The following OS9 variants were observed in gnomAD, a reference collection of about 807,000 sequenced individuals.
OS9 encodes the protein OS9 endoplasmic reticulum lectin, also known as protein OS-9.
OS9 carries 58 observed loss-of-function variants against 84.7 expected under a neutral mutation model. That is an observed-to-expected ratio of 0.68 (90% CI 0.55 to 0.85). The LOEUF is 0.85. Among genes scored for constraint, OS9 ranks in the 40% least tolerant of loss-of-function variants. The pLI is 0.00. For synonymous variants in OS9, 278 were observed against 320.8 expected (o/e 0.87, Z 1.43); for missense variants, 760 against 850.9 (o/e 0.89, Z 1.33).
In OS9 at chr12:57,720,522, A is replaced by G; in HGVS notation, c.1878+4A>G. The G allele has an allele frequency of 1.3e-6, 2 of 1,590,204 alleles. 1 individual carries two copies. The highest frequency in any genetic ancestry group is 2.2e-5 in the South Asian group (2 of 90,590). On this transcript the variant is annotated splice_donor_region_variant and intron_variant, in intron 14 of 14. Transcript: ENST00000315970. ...GGAGATCTTCTTCAATATCTTGGTA[A>G]GAGGCTTCTACCCCCGAGTCCTGGC... is the stretch of plus-strand genomic sequence containing the variant.
At chr12:57,697,862 A>AACACACACACACACACACACAC (rs71084786) in intron 5 of OS9, among the ~76,000 whole-genome samples, 3 of 116,356 alleles carry the variant, frequency 2.6e-5, no homozygotes, top group Admixed American at 8.8e-5. Flanking sequence ...AACATAAGCA[A>AACACACACACACACACACACAC]ACACACACAC....
In OS9 at chr12:57,708,603, G is replaced by A. The variant is rs373728159; in HGVS notation, c.580-7157G>A. ...TTGTCATACCATTGCACTCCAGCCT[G>A]AGCAAAAGAGTGACACTGTCTCAAA... is the stretch of plus-strand genomic sequence containing the variant. On this transcript the variant is annotated intron_variant, in intron 5 of 14. Transcript: ENST00000315970. 4.3e-4 allele frequency among the ~76,000 whole-genome samples: 64 copies of A among 150,424 alleles called. 1 individual carries two copies. The South Asian group carries it at 4.4e-3, about 10-fold the overall frequency.
At chr12:57,696,519 G>A (rs1953849733) in intron 5 of OS9, 146 bp downstream of exon 5, 3 of 573,924 alleles carry the variant, frequency 5.2e-6, no homozygotes, top group Admixed American at 3.2e-5. Context: ...TTTCCAGCCG[G>A]GCGCAGTGGC....
intron 5 of OS9, among the ~76,000 whole-genome samples, chr12:57,712,225 G>T (rs1383816648): frequency 6.6e-6 from 1 of 151,976 alleles, no homozygotes; most frequent in Non-Finnish European, 1.5e-5. Flanking sequence ...TCAAGATTTT[G>T]TTTTTAAAAA....
Position 57,696,306 on chromosome 12 carries a change from A to G in OS9, c.512A>G (p.His171Arg). 6.2e-7 allele frequency: 1 copy of G among 1,613,608 alleles called. No homozygotes were observed. The highest frequency in any genetic ancestry group is 8.5e-7 in the Non-Finnish European group (1 of 1,179,788). The change falls in exon 5 of 15, where the codon CAC (histidine) becomes CGC (arginine). Residue 171 changes from histidine to arginine, a missense_variant. Coordinates refer to ENST00000315970, the MANE Select transcript of OS9 (RefSeq NM_006812.4). ...ASKQHRLKRY[H>R]SQTYGNGSKC... is the part of the protein sequence containing the mutation. ...AAGCAGCATCGTCTTAAACGCTACC[A>G]CAGCCAGACCTATGGCAATGGGTCC...
chr12:57,697,923 A>G (rs1953905933), intron 5 of OS9, among the ~76,000 whole-genome samples: 2 of 63,684 alleles, frequency 3.1e-5, no homozygotes, highest in African/African-American at 5.4e-5. Context: ...ACACACACAC[A>G]TACACACACA....
chr12:57,720,792 A>T lies in OS9; in HGVS notation c.1887A>T (p.Gly629=). The T allele has an allele frequency of 6.2e-7, 1 of 1,609,698 alleles. No homozygotes were observed. The highest frequency in any genetic ancestry group is 8.5e-7 in the Non-Finnish European group (1 of 1,177,710). ...CTACCCTCTCCCACCAGGTGCCGGG[A>T]GCTGAAGAGGCCCAGAAGGAACGCC... ...KEIFFNILVP[G]AEEAQKERQR... The change falls in exon 15 of 15, where the codon GGA becomes GGT. Residue 629 remains glycine, a synonymous_variant. Transcript: ENST00000315970.
intron 5 of OS9, among the ~76,000 whole-genome samples, chr12:57,701,015 A>T (rs1268102208): frequency 6.6e-6 from 1 of 152,142 alleles, no homozygotes. Flanking sequence ...TCTCTGGTTT[A>T]AAAAAAGGAA....
chr12:57,698,138 C>A (rs1248034996), intron 5 of OS9, among the ~76,000 whole-genome samples: 1 of 152,186 alleles, frequency 6.6e-6, no homozygotes. Flanking sequence ...GCTCCTGGAA[C>A]AGTGCTTCAC....
At chr12:57,695,558 C>T (rs1278388217) in intron 2 of OS9, 2 of 699,742 alleles carry the variant, frequency 2.9e-6, no homozygotes, top group African/African-American at 1.7e-5. Context: ...AATGGAAAGA[C>T]CACAAGTGGA....
chr12:57,719,977 T>G, intron 12 of OS9, 122 bp from the exon 13 acceptor site: 1 of 893,362 alleles, frequency 1.1e-6, no homozygotes, highest in South Asian at 1.6e-5. Flanking sequence ...CTGGCTCATA[T>G]ACATGTTGAG....
intron 5 of OS9, among the ~76,000 whole-genome samples, chr12:57,707,025 C>A (rs562011966): frequency 6.6e-6 from 1 of 151,922 alleles, no homozygotes. Context: ...ATTTCATAGG[C>A]CATTATTCAT....
At position 57,720,964 on chromosome 12, in the gene OS9, G is replaced by GCCTCCTCC. The variant is rs1264224893; in HGVS notation, c.*58_*65dup. ...ATCCAGACTCTTCCTGGACTGGCTT[G>GCCTCCTCC]CCTCCTCCCCACCTCCCCACCCTGG... On this transcript the variant is annotated 3_prime_UTR_variant, in exon 15 of 15. Coordinates refer to ENST00000315970, the MANE Select transcript of OS9 (RefSeq NM_006812.4). 12 of 1,603,014 alleles carry GCCTCCTCC rather than the reference G, an allele frequency of 7.5e-6. No homozygotes were observed. Among genetic ancestry groups the GCCTCCTCC allele is most frequent in the Non-Finnish European group, 1.0e-5 (12 of 1,172,672 alleles).
In OS9 at chr12:57,695,854, C is replaced by T. The variant is rs748151242; in HGVS notation, c.403+11C>T. 4 of 1,603,002 alleles carry T rather than the reference C, an allele frequency of 2.5e-6. No individual in the cohort carries two copies. The highest frequency in any genetic ancestry group is 3.4e-6 in the Non-Finnish European group (4 of 1,169,818). On this transcript the variant is annotated intron_variant, in intron 3 of 14. Transcript: ENST00000315970. ...AATACCACATGGAAGGTAACTCACT[C>T]CTATATTTTCCTTAAGCCCTTAGTG...
intron 9 of OS9, among the ~76,000 whole-genome samples, 160 bp from the exon 10 acceptor site, chr12:57,717,710 T>A (rs2140333525): frequency 6.8e-6 from 1 of 147,318 alleles, no homozygotes; most frequent in Non-Finnish European, 1.5e-5. Context: ...GGAGAATCTC[T>A]TGAACCCGGG....
chr12:57,697,609 C>G (rs536767948), intron 5 of OS9, among the ~76,000 whole-genome samples: 1 of 152,084 alleles, frequency 6.6e-6, no homozygotes, highest in African/African-American at 2.4e-5. Context: ...GTTGAGGTGC[C>G]TTTAGACATC....
chr12:57,718,099 T>C (rs1196725162), intron 10 of OS9, 47 bp from the exon 11 acceptor site: 1 of 1,590,262 alleles, frequency 6.3e-7, no homozygotes, highest in Admixed American at 1.7e-5. Flanking sequence ...ACCATGTGTC[T>C]CTGTTGAAAC....
chr12:57,696,489 A>C, intron 5 of OS9, 116 bp downstream of exon 5: 1 of 592,672 alleles, frequency 1.7e-6, no homozygotes, highest in Non-Finnish European at 3.0e-6. Flanking sequence ...CCAGACCCTA[A>C]ATCCAAAGTT....
At chr12:57,713,427 G>A (rs1293134498) in intron 5 of OS9, among the ~76,000 whole-genome samples, 6 of 152,096 alleles carry the variant, frequency 3.9e-5, no homozygotes, top group Admixed American at 1.3e-4. Context: ...CTGCTCTCTC[G>A]GTTTGCATCT....
Sources: gnomAD v4.1 joint callset for allele counts (sites outside exome capture counted in the v4.1 genomes callset) on GRCh38, gnomAD v4.1.1 for gene constraint, MANE v1.5 for transcripts, NCBI Gene and HGNC (gene_info 2026-07-23, HGNC 2026-07-21) for gene names.